Variants in PCSK2 observed in about 807,000 individuals in gnomAD.
The protein encoded by PCSK2 is neuroendocrine convertase 2.
Under a neutral mutation model 69.7 loss-of-function variants are expected in PCSK2, and 14 were observed. That is an observed-to-expected ratio of 0.20 (90% CI 0.13 to 0.31). PCSK2 has a LOEUF of 0.31. PCSK2 is among the 10% of genes least tolerant of loss of function. The probability of loss-of-function intolerance (pLI) is 1.00; values close to 1 mark genes in which losing one functional copy is unlikely to be tolerated. For synonymous variants in PCSK2, 307 were observed against 320.7 expected, an observed-to-expected ratio of 0.96 and a Z score of 0.46; for missense variants, 544 against 842.5, an observed-to-expected ratio of 0.65 and a Z score of 4.39.
chr20:17,354,164 A>C (rs943076088), intron 2 of PCSK2, among the ~76,000 whole-genome samples: 1 of 152,208 alleles, frequency 6.6e-6, no homozygotes, highest in Non-Finnish European at 1.5e-5. Context: ...AATTTTTTTA[A>C]ATGTTTAAAA....
intron 2 of PCSK2, among the ~76,000 whole-genome samples, chr20:17,342,088 C>T (rs574109807): frequency 6.6e-6 from 1 of 152,162 alleles, no homozygotes; most frequent in African/African-American, 2.4e-5. Context: ...TTGGAGTAGA[C>T]AGTTTAAGGA....
chr20:17,305,926 C>T (rs1039633815), intron 2 of PCSK2, among the ~76,000 whole-genome samples: 2 of 152,170 alleles, frequency 1.3e-5, no homozygotes, highest in Non-Finnish European at 2.9e-5. Flanking sequence ...GAACAGGATG[C>T]ATTTTGCTAC....
At chr20:17,349,398 C>T (rs1445314660) in intron 2 of PCSK2, among the ~76,000 whole-genome samples, 1 of 152,186 alleles carries the variant, frequency 6.6e-6, no homozygotes, top group African/African-American at 2.4e-5. Context: ...CTTCCCAAAG[C>T]GTGAAACGAA....
At chr20:17,358,747 A>C (rs1447521068) in intron 3 of PCSK2, among the ~76,000 whole-genome samples, 1 of 152,206 alleles carries the variant, frequency 6.6e-6, no homozygotes. Context: ...AAACTATATA[A>C]AAGTCAAATC....
chr20:17,456,038 G>C (rs185607174), intron 9 of PCSK2, among the ~76,000 whole-genome samples: 1 of 152,260 alleles, frequency 6.6e-6, no homozygotes, highest in East Asian at 1.9e-4. Flanking sequence ...TCAGGAGTTT[G>C]AGACCAGCTT....
intron 2 of PCSK2, among the ~76,000 whole-genome samples, chr20:17,351,741 T>A (rs2029994886): frequency 6.6e-6 from 1 of 152,132 alleles, no homozygotes; most frequent in African/African-American, 2.4e-5. Flanking sequence ...ATAGTCAGCA[T>A]CATACTGAAT....
At chr20:17,481,371 G>C (rs1161806825) in intron 11 of PCSK2, among the ~76,000 whole-genome samples, 1 of 125,798 alleles carries the variant, frequency 7.9e-6, no homozygotes, top group African/African-American at 3.2e-5. Flanking sequence ...AACAGAGTGG[G>C]ACCCTGTCTC....
At chr20:17,283,134 C>T (rs922021662) in intron 2 of PCSK2, among the ~76,000 whole-genome samples, 1 of 151,972 alleles carries the variant, frequency 6.6e-6, no homozygotes, top group African/African-American at 2.4e-5. Context: ...TACATTCAAA[C>T]AGAAAGGCAA....
At chr20:17,268,566 G>A (rs1323594194) in intron 2 of PCSK2, among the ~76,000 whole-genome samples, 2 of 152,180 alleles carry the variant, frequency 1.3e-5, no homozygotes, top group African/African-American at 4.8e-5. Context: ...CACACCTGGT[G>A]TGTTCCAGGA....
At chr20:17,437,222 A>G (rs2032502762) in intron 8 of PCSK2, among the ~76,000 whole-genome samples, 1 of 152,124 alleles carries the variant, frequency 6.6e-6, no homozygotes, top group Admixed American at 6.5e-5. Context: ...CACCCCCACC[A>G]CCCACTCAGT....
intron 2 of PCSK2, among the ~76,000 whole-genome samples, chr20:17,345,207 C>T (rs890190069): frequency 1.3e-5 from 2 of 152,116 alleles, no homozygotes; most frequent in Non-Finnish European, 2.9e-5. Context: ...TCTTTGTGCC[C>T]CTCAAATCAC....
intron 5 of PCSK2, among the ~76,000 whole-genome samples, chr20:17,399,396 T>TA (rs768986587): frequency 6.6e-6 from 1 of 152,244 alleles, no homozygotes; most frequent in East Asian, 1.9e-4. Flanking sequence ...ACTTACTTTT[T>TA]AACATAAACA....
intron 5 of PCSK2, among the ~76,000 whole-genome samples, chr20:17,402,950 C>T (rs1016320320): frequency 6.6e-6 from 1 of 151,738 alleles, no homozygotes; most frequent in Non-Finnish European, 1.5e-5. Context: ...GAGCGAGACT[C>T]CGTCTCAAAA....
At chr20:17,388,152 G>C (rs1202596480) in intron 5 of PCSK2, among the ~76,000 whole-genome samples, 1 of 151,644 alleles carries the variant, frequency 6.6e-6, no homozygotes, top group Non-Finnish European at 1.5e-5. Flanking sequence ...GTACGGGAAG[G>C]AAAAATATGG....
In PCSK2 at chr20:17,481,591, C is replaced by T. The variant is rs1296696252; in HGVS notation, c.1438C>T (p.Pro480Ser). Residue 480 changes from proline (P) to serine (S), a missense_variant, in exon 12 of 12, where the codon CCA becomes TCA. This residue lies in a region of PCSK2 where 200 missense variants were observed against 287.8 expected (regional missense o/e 0.69). Coordinates refer to ENST00000262545, the MANE Select transcript of PCSK2 (RefSeq NM_002594.5). ...GGSVQDPEKI[P>S]STGKLVLTLT... ...TCTTCACTCTGCCCTCAGGAAAATACCATCCACTGGCAAGTTGGTGCTGAC... is the reference window on the plus strand; with the variant it reads ...TCTTCACTCTGCCCTCAGGAAAATATCATCCACTGGCAAGTTGGTGCTGAC... 11 of 1,613,518 alleles carry T rather than the reference C, an allele frequency of 6.8e-6. No individual in the cohort carries two copies. Among genetic ancestry groups the T allele is most frequent in the Middle Eastern group, 3.3e-4 (2 of 6,082 alleles).
At chr20:17,476,586 C>T (rs892568981) in intron 11 of PCSK2, among the ~76,000 whole-genome samples, 2 of 151,994 alleles carry the variant, frequency 1.3e-5, no homozygotes, top group African/African-American at 4.8e-5. Context: ...CATATAGACA[C>T]GTTATATATA....
intron 2 of PCSK2, among the ~76,000 whole-genome samples, chr20:17,272,787 A>C (rs1987920753): frequency 6.6e-6 from 1 of 152,116 alleles, no homozygotes; most frequent in Non-Finnish European, 1.5e-5. Flanking sequence ...TTAAATGAAA[A>C]AACAGTGTCT....
At chr20:17,430,570 C>A (rs966729023) in intron 7 of PCSK2, among the ~76,000 whole-genome samples, 1 of 152,180 alleles carries the variant, frequency 6.6e-6, no homozygotes, top group Non-Finnish European at 1.5e-5. Context: ...TGCTGAATGT[C>A]ACAAAAGAAT....
chr20:17,437,868 C>G (rs1330620437), intron 8 of PCSK2, among the ~76,000 whole-genome samples: 1 of 152,258 alleles, frequency 6.6e-6, no homozygotes, highest in African/African-American at 2.4e-5. Context: ...CATTACCAAA[C>G]TGTTGCGTCT....
Sources: gnomAD v4.1 joint callset for allele counts (sites outside exome capture counted in the v4.1 genomes callset) on GRCh38, gnomAD v4.1.1 for gene constraint, gnomAD v4.1.1 regional missense constraint, MANE v1.5 for transcripts, NCBI Gene and HGNC (gene_info 2026-07-23, HGNC 2026-07-21) for gene names.